Variants in FHIT observed in about 807,000 individuals in gnomAD.
The protein encoded by FHIT is fragile histidine triad diadenosine triphosphatase, also known as bis(5'-adenosyl)-triphosphatase.
FHIT carries 19 observed loss-of-function variants against 17.9 expected under a neutral mutation model. The observed-to-expected ratio is 1.06, with a 90% confidence interval of 0.74 to 1.56. The LOEUF (loss-of-function observed/expected upper bound fraction) is 1.56. Ranked by LOEUF, FHIT falls within the 40% of genes most tolerant of loss-of-function variation. The pLI is 0.00. For missense variants in FHIT, 248 were observed against 189.2 expected, an observed-to-expected ratio of 1.31 and a Z score of -1.82; for synonymous variants, 81 against 69.7, an observed-to-expected ratio of 1.16 and a Z score of -0.81.
intron 5 of FHIT, among the ~76,000 whole-genome samples, chr3:60,371,923 CTAATT>C (rs1576554388): frequency 6.7e-6 from 1 of 148,420 alleles, no homozygotes; most frequent in Admixed American, 6.8e-5. Context: ...CATTACAATT[CTAATT>C]TATTTTCCCA....
chr3:60,884,910 C>CAAAAAAA (rs71092651), intron 3 of FHIT, among the ~76,000 whole-genome samples: 2 of 110,284 alleles, frequency 1.8e-5, no homozygotes, highest in East Asian at 2.4e-4. Context: ...GACCCTTTCT[C>CAAAAAAA]AAAAAAAAAA....
chr3:61,042,957 A>G (rs1481906375), intron 2 of FHIT, among the ~76,000 whole-genome samples: 2 of 152,204 alleles, frequency 1.3e-5, no homozygotes, highest in Admixed American at 1.3e-4. Context: ...AAATTAAAAC[A>G]TACAAAATTT....
chr3:61,202,666 G>T (rs138343654), intron 1 of FHIT, among the ~76,000 whole-genome samples: 12 of 152,114 alleles, frequency 7.9e-5, no homozygotes, highest in African/African-American at 1.9e-4. Context: ...TGAAACCACA[G>T]AACGCAGAGA....
rs183533781 is a variant in FHIT, at chr3:60,941,496, C to G, written c.-111+100551G>C. Among the ~76,000 whole-genome samples the G allele has an allele frequency of 2.2e-3, 331 of 152,302 alleles. 1 individual carries two copies. The highest frequency in any genetic ancestry group is 7.4e-3 in the African/African-American group (308 of 41,560). On this transcript the variant is annotated intron_variant, in intron 3 of 9. Transcript: ENST00000492590. The stretch of plus-strand genomic sequence containing the variant: ...AATTTGCATTTATAAGGGATGGATA[C>G]GGAGGTCCCCTCTGCTCTCCCTTCT...
intron 5 of FHIT, among the ~76,000 whole-genome samples, chr3:60,439,169 T>A (rs1045710803): frequency 5.9e-5 from 9 of 152,060 alleles, no homozygotes; most frequent in Non-Finnish European, 1.5e-5. Context: ...TTTGAAGGAA[T>A]CATCACTGGT....
chr3:60,995,685 G>A (rs1349491383), intron 3 of FHIT, among the ~76,000 whole-genome samples: 1 of 152,148 alleles, frequency 6.6e-6, no homozygotes, highest in Non-Finnish European at 1.5e-5. Flanking sequence ...TCCATTGCCC[G>A]CTTTAGGTCT....
In FHIT at chr3:60,312,017, T is replaced by C. The variant is rs921588985; in HGVS notation, c.103+224843A>G. ...TCAATTTAGTGGGCCGTGACCAGCA[T>C]GTTTTAAACTGAAATACAATTTTTA... On this transcript the variant is annotated intron_variant, in intron 5 of 9. Coordinates refer to ENST00000492590, the MANE Select transcript of FHIT (RefSeq NM_002012.4). Among the ~76,000 whole-genome samples the C allele has an allele frequency of 2.6e-5, 4 of 152,236 alleles. No homozygotes were observed. In the South Asian group the frequency reaches 8.3e-4, roughly 31 times the overall value.
intron 5 of FHIT, among the ~76,000 whole-genome samples, chr3:60,033,757 A>C (rs1701098347): frequency 6.6e-6 from 1 of 152,170 alleles, no homozygotes; most frequent in Non-Finnish European, 1.5e-5. Flanking sequence ...GCTTTTTCTG[A>C]GTATGTCTGA....
chr3:60,004,320 A>C (rs1243133521), intron 7 of FHIT, among the ~76,000 whole-genome samples: 2 of 152,132 alleles, frequency 1.3e-5, no homozygotes, highest in Non-Finnish European at 2.9e-5. Flanking sequence ...CAAATAGCAA[A>C]ATAAATTAAA....
intron 5 of FHIT, among the ~76,000 whole-genome samples, chr3:60,281,297 C>G (rs1707440531): frequency 6.6e-6 from 1 of 152,060 alleles, no homozygotes; most frequent in Non-Finnish European, 1.5e-5. Flanking sequence ...CAGTTTCAGT[C>G]AAAATCCCAG....
intron 5 of FHIT, among the ~76,000 whole-genome samples, chr3:60,105,502 C>T (rs1373529282): frequency 6.6e-6 from 1 of 152,144 alleles, no homozygotes; most frequent in Non-Finnish European, 1.5e-5. Flanking sequence ...TGTAAGAGGA[C>T]AAGACCTCAT....
At chr3:59,960,186 C>T (rs185002225) in intron 7 of FHIT, among the ~76,000 whole-genome samples, 58 of 152,278 alleles carry the variant, frequency 3.8e-4, no homozygotes, top group Admixed American at 9.2e-4. Flanking sequence ...ACAAACAATA[C>T]AGGGAGCATG....
chr3:60,455,092 T>C (rs2032005192), intron 5 of FHIT, among the ~76,000 whole-genome samples: 1 of 152,036 alleles, frequency 6.6e-6, no homozygotes, highest in Non-Finnish European at 1.5e-5. Flanking sequence ...ATACTCAAAT[T>C]CAAAATACAA....
At chr3:59,815,066 C>T (rs1229142521) in intron 8 of FHIT, among the ~76,000 whole-genome samples, 1 of 152,178 alleles carries the variant, frequency 6.6e-6, no homozygotes, top group Non-Finnish European at 1.5e-5. Context: ...CATCACTTCA[C>T]CTGCTTCGGA....
intron 5 of FHIT, among the ~76,000 whole-genome samples, chr3:60,133,082 T>A: frequency 6.6e-6 from 1 of 152,120 alleles, no homozygotes; most frequent in Non-Finnish European, 1.5e-5. Context: ...TGTGGATTGA[T>A]ACTAAAAAGC....
chr3:59,750,414 C>G, intron 9 of FHIT: 1 of 224,586 alleles, frequency 4.5e-6, no homozygotes, highest in East Asian at 6.4e-5. Context: ...TCTAAAATGA[C>G]ATACTGGCCT....
intron 5 of FHIT, among the ~76,000 whole-genome samples, chr3:60,088,615 T>C (rs1703600522): frequency 6.6e-6 from 1 of 152,174 alleles, no homozygotes; most frequent in African/African-American, 2.4e-5. Context: ...TTTTTTTGCA[T>C]AAATAAACAC....
intron 2 of FHIT, among the ~76,000 whole-genome samples, chr3:61,174,570 A>G (rs1315974898): frequency 6.6e-6 from 1 of 152,196 alleles, no homozygotes; most frequent in East Asian, 1.9e-4. Flanking sequence ...CTGTTGATTA[A>G]CTTCCAAATG....
chr3:60,787,071 C>A (rs570102740), intron 4 of FHIT, among the ~76,000 whole-genome samples: 16 of 151,364 alleles, frequency 1.1e-4, no homozygotes, highest in Non-Finnish European at 1.9e-4. Flanking sequence ...ATATTTTACT[C>A]CTTATTGTGT....
Sources: allele counts gnomAD v4.1 joint callset (sites outside exome capture counted in the v4.1 genomes callset), GRCh38; gene constraint gnomAD v4.1.1; transcripts MANE v1.5; gene names NCBI Gene and HGNC (gene_info 2026-07-23, HGNC 2026-07-21).